RAB27B: variants seen among roughly 807,000 people sequenced by gnomAD.
RAB27B encodes the protein ras-related protein Rab-27B.
Under a neutral mutation model 24.6 loss-of-function variants are expected in RAB27B, and 15 were observed. That is an observed-to-expected ratio of 0.61 (90% CI 0.41 to 0.94). The LOEUF is 0.94. Among genes scored for constraint, RAB27B ranks in the 40% least tolerant of loss-of-function variants. The pLI is 0.00. For missense variants in RAB27B, 261 were observed against 266.8 expected (o/e 0.98, Z 0.15); for synonymous variants, 105 against 92.5 (o/e 1.14, Z -0.78).
intron 2 of RAB27B, among the ~76,000 whole-genome samples, chr18:54,814,767 A>G (rs897166468): frequency 2.0e-5 from 3 of 152,252 alleles, no homozygotes; most frequent in African/African-American, 7.2e-5. Flanking sequence ...ATATATTTCA[A>G]CATTTAACTG....
At chr18:54,822,924 G>T (rs930626769) in intron 2 of RAB27B, among the ~76,000 whole-genome samples, 1 of 152,012 alleles carries the variant, frequency 6.6e-6, no homozygotes, top group Non-Finnish European at 1.5e-5. Context: ...AACATAAGAA[G>T]AAAAAATTAG....
chr18:54,762,276 A>C (rs1434953031), intron 2 of RAB27B, among the ~76,000 whole-genome samples: 1 of 152,002 alleles, frequency 6.6e-6, no homozygotes, highest in African/African-American at 2.4e-5. Flanking sequence ...TGCAACCTCC[A>C]CCTCCTGAGT....
chr18:54,842,288 G>C (rs182354724), intron 1 of RAB27B, among the ~76,000 whole-genome samples: 5 of 138,590 alleles, frequency 3.6e-5, no homozygotes, highest in East Asian at 2.2e-4. Flanking sequence ...GGAAAGCCTA[G>C]ATCAGATAAA....
At chr18:54,807,188 C>A (rs118151959) in intron 2 of RAB27B, among the ~76,000 whole-genome samples, 1 of 152,202 alleles carries the variant, frequency 6.6e-6, no homozygotes, top group Admixed American at 6.5e-5. Flanking sequence ...CATGAGCCAC[C>A]GCGCCCGGCC....
intron 1 of RAB27B, among the ~76,000 whole-genome samples, chr18:54,873,874 A>G (rs2145263960): frequency 6.6e-6 from 1 of 152,300 alleles, no homozygotes; most frequent in East Asian, 1.9e-4. Flanking sequence ...AGCCTATTGG[A>G]AAAATGAAGA....
chr18:54,872,751 G>A (rs538064776), intron 1 of RAB27B, among the ~76,000 whole-genome samples: 4 of 152,170 alleles, frequency 2.6e-5, no homozygotes, highest in East Asian at 1.9e-4. Flanking sequence ...CCTTGCACTC[G>A]GATGGACACC....
chr18:54,879,119 G>C (rs968937062), intron 2 of RAB27B, among the ~76,000 whole-genome samples: 5 of 152,278 alleles, frequency 3.3e-5, no homozygotes, highest in African/African-American at 9.6e-5. Context: ...GCTGCCTCAT[G>C]AGGAAATGAC....
intron 2 of RAB27B, among the ~76,000 whole-genome samples, chr18:54,768,298 G>A (rs1043462843): frequency 6.6e-6 from 1 of 152,170 alleles, no homozygotes; most frequent in African/African-American, 2.4e-5. Context: ...GTAGCGATAT[G>A]TGGCTTGTGG....
At chr18:54,777,369 G>A (rs1908749480) in intron 2 of RAB27B, among the ~76,000 whole-genome samples, 2 of 152,190 alleles carry the variant, frequency 1.3e-5, no homozygotes, top group African/African-American at 4.8e-5. Context: ...TAGTGAATGA[G>A]AAAATGTTAC....
At chr18:54,843,213 A>T (rs1911186954) in intron 1 of RAB27B, among the ~76,000 whole-genome samples, 2 of 152,334 alleles carry the variant, frequency 1.3e-5, no homozygotes, top group South Asian at 2.1e-4. Context: ...CATAACCTGC[A>T]TGGAATTTTT....
intron 2 of RAB27B, among the ~76,000 whole-genome samples, chr18:54,821,813 A>G (rs7229659): frequency 0.95 from 145,136 of 152,362 alleles, 69,562 homozygotes; most frequent in East Asian, 1. Context: ...GAGTGCAATG[A>G]CACGATCTCG....
At chr18:54,865,188 A>C (rs746653954) in intron 1 of RAB27B, among the ~76,000 whole-genome samples, 2 of 151,538 alleles carry the variant, frequency 1.3e-5, no homozygotes, top group Non-Finnish European at 2.9e-5. Context: ...GAGTTGCCTC[A>C]AATATTCCTA....
chr18:54,768,376 T>A (rs559380013), intron 2 of RAB27B, among the ~76,000 whole-genome samples: 1 of 152,242 alleles, frequency 6.6e-6, no homozygotes, highest in African/African-American at 2.4e-5. Context: ...AATTTTAATT[T>A]AAAAAAATCA....
In RAB27B at chr18:54,890,478, T is replaced by G. The variant is rs1336589914; in HGVS notation, c.*1065T>G. The G allele has an allele frequency of 6.6e-6, 1 of 152,170 alleles. No individual in the cohort carries two copies. The highest frequency in any genetic ancestry group is 1.5e-5 in the Non-Finnish European group (1 of 68,006). 9.4% of individuals were successfully genotyped at this position (152,170 alleles called of 1,614,324 possible). On this transcript the variant is annotated 3_prime_UTR_variant, in exon 6 of 6. Transcript: ENST00000262094. ...AAGTGGCAATTATTGCAGGTTTCCT[T>G]TTAGTTTACAAAAGTACTGGAAACT...
At chr18:54,848,405 G>A (rs984664577) in intron 1 of RAB27B, among the ~76,000 whole-genome samples, 1 of 152,058 alleles carries the variant, frequency 6.6e-6, no homozygotes, top group East Asian at 1.9e-4. Context: ...AAAAATCATG[G>A]AATTTATTCA....
rs190076505 is a variant in RAB27B, at chr18:54,888,663, C to T, written c.467+545C>T. Among the ~76,000 whole-genome samples the T allele has an allele frequency of 7.0e-4, 106 of 151,874 alleles. No homozygotes were observed. The Middle Eastern group carries it at 0.01, about 15-fold the overall frequency. ...ACCCCATGTAATTGTAAATTGACTT[C>T]CGTGGCAGAATCTGTCATTATTCTT... On this transcript the variant is annotated intron_variant, in intron 5 of 5. Coordinates refer to ENST00000262094, the MANE Select transcript of RAB27B (RefSeq NM_004163.4).
intron 2 of RAB27B, among the ~76,000 whole-genome samples, chr18:54,746,536 A>G (rs1209057546): frequency 2.6e-5 from 4 of 152,182 alleles, no homozygotes; most frequent in Admixed American, 6.5e-5. Context: ...AGATATAAGA[A>G]TCTTACAACT....
chr18:54,832,429 C>G (rs1181031032), intron 1 of RAB27B, among the ~76,000 whole-genome samples: 2 of 152,264 alleles, frequency 1.3e-5, no homozygotes, highest in South Asian at 2.1e-4. Flanking sequence ...TTATTTGCAG[C>G]CTTTTGAAGC....
intron 3 of RAB27B, among the ~76,000 whole-genome samples, chr18:54,881,244 A>G (rs1364982795): frequency 6.6e-6 from 1 of 152,122 alleles, no homozygotes; most frequent in Non-Finnish European, 1.5e-5. Context: ...GCAGGGAGAC[A>G]GGAGGGTCAA....
Sources: gnomAD v4.1 joint callset for allele counts (sites outside exome capture counted in the v4.1 genomes callset) on GRCh38, gnomAD v4.1.1 for gene constraint, MANE v1.5 for transcripts, NCBI Gene and HGNC (gene_info 2026-07-23, HGNC 2026-07-21) for gene names.